Variants in PRKG1 observed in about 807,000 individuals in gnomAD.
The protein encoded by PRKG1 is cGMP-dependent protein kinase 1.
PRKG1 carries 35 observed loss-of-function variants against 88.1 expected under a neutral mutation model. That is an observed-to-expected ratio of 0.40 (90% CI 0.30 to 0.53). The LOEUF (loss-of-function observed/expected upper bound fraction) is 0.53, where lower values mean the gene tolerates loss of function less well. PRKG1 is among the 20% of genes least tolerant of loss of function. The probability of loss-of-function intolerance (pLI) is 0.59; values close to 1 mark genes in which losing one functional copy is unlikely to be tolerated. For missense variants in PRKG1, 540 were observed against 839.8 expected (o/e 0.64, Z 4.41); for synonymous variants, 303 against 292.5 (o/e 1.04, Z -0.37).
At chr10:51,197,150 A>C (rs555107379) in intron 2 of PRKG1, among the ~76,000 whole-genome samples, 1 of 152,346 alleles carries the variant, frequency 6.6e-6, no homozygotes, top group African/African-American at 2.4e-5. Flanking sequence ...TGGAATGAAT[A>C]GCTGTAATTG....
At chr10:51,876,258 C>T (rs759319175) in intron 4 of PRKG1, among the ~76,000 whole-genome samples, 39 of 152,108 alleles carry the variant, frequency 2.6e-4, no homozygotes, top group Non-Finnish European at 5.3e-4. Flanking sequence ...TGTAATATAG[C>T]TCACACAAAG....
Position 52,293,907 on chromosome 10 carries a change from T to A in PRKG1, c.*7T>A, listed in dbSNP as rs761307976. The stretch of plus-strand genomic sequence containing the variant: ...ATGGGATATAGACTTCTAATGTATT[T>A]CTCTTACCTGCTTCTGCCTTGCTGA... On this transcript the variant is annotated 3_prime_UTR_variant, in exon 18 of 18. Coordinates refer to ENST00000373980, the MANE Select transcript of PRKG1 (RefSeq NM_006258.4). 1.4e-5 allele frequency: 23 copies of A among 1,600,160 alleles called. No individual in the cohort carries two copies. The highest frequency in any genetic ancestry group is 2.0e-5 in the Non-Finnish European group (23 of 1,168,544).
chr10:51,683,810 C>T (rs1398484958), intron 3 of PRKG1, among the ~76,000 whole-genome samples: 1 of 152,182 alleles, frequency 6.6e-6, no homozygotes, highest in Non-Finnish European at 1.5e-5. Flanking sequence ...TCTGGGCATG[C>T]TCAACCTGGG....
chr10:51,773,352 A>G (rs1457379049), intron 3 of PRKG1, among the ~76,000 whole-genome samples: 1 of 152,126 alleles, frequency 6.6e-6, no homozygotes, highest in Non-Finnish European at 1.5e-5. Flanking sequence ...CCATAGATCC[A>G]TGGAATCTTG....
At chr10:52,290,139 C>T in intron 16 of PRKG1, 85 bp from the exon 17 acceptor site, 1 of 1,080,872 alleles carries the variant, frequency 9.3e-7, no homozygotes, top group Non-Finnish European at 1.3e-6. Context: ...AACTGCTTCC[C>T]ATTAGCCATG....
At chr10:51,493,600 G>C (rs978641108) in intron 3 of PRKG1, among the ~76,000 whole-genome samples, 7 of 152,074 alleles carry the variant, frequency 4.6e-5, no homozygotes, top group African/African-American at 1.7e-4. Flanking sequence ...TTCTTCGCTT[G>C]GATTGATAGT....
chr10:51,531,743 C>T (rs998658956), intron 3 of PRKG1, among the ~76,000 whole-genome samples: 3 of 136,016 alleles, frequency 2.2e-5, no homozygotes, highest in East Asian at 5.3e-4. Flanking sequence ...CTCCTGGGTT[C>T]GAGTGATTCT....
At chr10:51,093,856 T>C (rs1844460813) in intron 1 of PRKG1, among the ~76,000 whole-genome samples, 1 of 149,402 alleles carries the variant, frequency 6.7e-6, no homozygotes, top group East Asian at 2.0e-4. Context: ...CAGGTACTAC[T>C]ACCTCCCTTC....
intron 2 of PRKG1, among the ~76,000 whole-genome samples, chr10:51,160,366 C>T (rs1429229252): frequency 6.6e-6 from 1 of 152,078 alleles, no homozygotes; most frequent in African/African-American, 2.4e-5. Flanking sequence ...TTATTTTGCT[C>T]TCTCAAATTG....
intron 2 of PRKG1, among the ~76,000 whole-genome samples, chr10:51,201,077 A>T (rs1370544518): frequency 1.3e-5 from 2 of 152,212 alleles, no homozygotes; most frequent in African/African-American, 4.8e-5. Flanking sequence ...TTTATCTTAA[A>T]TCTCTAAGAG....
In PRKG1 at chr10:51,357,446, G is replaced by A. The variant is rs558020399; in HGVS notation, c.479-110277G>A. On this transcript the variant is annotated intron_variant, in intron 2 of 17. Coordinates refer to ENST00000373980, the MANE Select transcript of PRKG1 (RefSeq NM_006258.4). ...GATTAGGAGACATGGAACAACAACT[G>A]AGGAGGCTGCACACCCTTCTCTGAA... 3.3e-5 allele frequency among the ~76,000 whole-genome samples: 5 copies of A among 152,050 alleles called. No homozygotes were observed. The South Asian group carries it at 1.0e-3, about 32-fold the overall frequency.
intron 1 of PRKG1, among the ~76,000 whole-genome samples, chr10:51,051,301 A>G (rs1462563212): frequency 6.6e-6 from 1 of 152,124 alleles, no homozygotes; most frequent in Non-Finnish European, 1.5e-5. Context: ...CATGTTTTAC[A>G]TTTAAGCCTT....
chr10:51,699,641 C>G, intron 3 of PRKG1: 1 of 1,450,010 alleles, frequency 6.9e-7, no homozygotes, highest in East Asian at 2.3e-5. Flanking sequence ...AAGCGGCTTT[C>G]AAGATCCGGG....
rs71459417 is a variant in PRKG1, at chr10:51,409,850, CA to C, written c.479-57853del. ...GCCTGGCAACAGAGAGAGACTCTGT[CA>C]AAAAAAAAAAAAAAAAAAAGGAGAG... On this transcript the variant is annotated intron_variant, in intron 2 of 17. Transcript: ENST00000373980. Among the ~76,000 whole-genome samples, 65 of 79,494 alleles carry C rather than the reference CA, an allele frequency of 8.2e-4. No homozygotes were observed. In the East Asian group the frequency reaches 9.7e-3, roughly 12 times the overall value. The allele number at this position is 79,494 out of a possible 152,430, so 52.2% of individuals were successfully genotyped here. A position where few individuals can be genotyped will look rare whatever the true frequency, so the allele number is the denominator to read the frequency against.
intron 2 of PRKG1, among the ~76,000 whole-genome samples, chr10:51,245,999 A>G (rs1386669184): frequency 6.6e-6 from 1 of 152,092 alleles, no homozygotes; most frequent in Non-Finnish European, 1.5e-5. Flanking sequence ...GCAAGGGAGG[A>G]CAAATATGGC....
At chr10:52,285,110 G>T in intron 14 of PRKG1, among the ~76,000 whole-genome samples, 1 of 151,944 alleles carries the variant, frequency 6.6e-6, no homozygotes, top group Admixed American at 6.6e-5. Flanking sequence ...GCCAGTCCCT[G>T]CCCCTCTTAC....
intron 2 of PRKG1, among the ~76,000 whole-genome samples, chr10:51,387,492 C>T (rs1837284034): frequency 6.6e-6 from 1 of 151,996 alleles, no homozygotes; most frequent in Non-Finnish European, 1.5e-5. Flanking sequence ...CATCACACCT[C>T]TTTTTAGAGA....
chr10:51,100,739 C>T (rs553065957), intron 1 of PRKG1, among the ~76,000 whole-genome samples: 1 of 152,198 alleles, frequency 6.6e-6, no homozygotes, highest in African/African-American at 2.4e-5. Context: ...GAGTTGTTAC[C>T]TGTATTTTGA....
intron 5 of PRKG1, among the ~76,000 whole-genome samples, chr10:51,981,614 T>G (rs183730168): frequency 6.6e-6 from 1 of 151,432 alleles, no homozygotes; most frequent in East Asian, 1.9e-4. Context: ...TAGCAAAAAA[T>G]AAAAAAAAGA....
Sources: gnomAD v4.1 joint callset for allele counts (sites outside exome capture counted in the v4.1 genomes callset) on GRCh38, gnomAD v4.1.1 for gene constraint, MANE v1.5 for transcripts, NCBI Gene and HGNC (gene_info 2026-07-23, HGNC 2026-07-21) for gene names.